CAMTA1: variants seen among roughly 807,000 people sequenced by gnomAD.
CAMTA1 encodes the protein calmodulin-binding transcription activator 1.
CAMTA1 carries 27 observed loss-of-function variants against 170.9 expected under a neutral mutation model. The observed-to-expected ratio is 0.16, with a 90% CI of 0.12 to 0.22. The LOEUF (loss-of-function observed/expected upper bound fraction) is 0.22. Among genes scored for constraint, CAMTA1 ranks in the 10% least tolerant of loss-of-function variants. CAMTA1 has a pLI of 1.00. For missense variants in CAMTA1, 1,619 were observed against 2,217.2 expected, an observed-to-expected ratio of 0.73 and a Z score of 5.42; for synonymous variants, 833 against 891.5, an observed-to-expected ratio of 0.93 and a Z score of 1.17.
chr1:7,696,377 G>A (rs1233818037), intron 11 of CAMTA1, among the ~76,000 whole-genome samples: 1 of 151,984 alleles, frequency 6.6e-6, no homozygotes, highest in East Asian at 1.9e-4. Context: ...TGTATTTTTA[G>A]TAGAGACAGG....
intron 5 of CAMTA1, among the ~76,000 whole-genome samples, chr1:7,263,367 C>T (rs929595939): frequency 6.6e-6 from 1 of 152,080 alleles, no homozygotes; most frequent in East Asian, 1.9e-4. Flanking sequence ...AAACAGAGCT[C>T]GGGGGTAGGG....
At chr1:6,796,642 G>A (rs931902944) in intron 1 of CAMTA1, among the ~76,000 whole-genome samples, 16 of 151,914 alleles carry the variant, frequency 1.1e-4, no homozygotes, top group African/African-American at 3.9e-4. Context: ...TATTATTATT[G>A]TGGTGGAACT....
At chr1:7,270,291 A>ATATATATTTTTT (rs1336977888) in intron 5 of CAMTA1, among the ~76,000 whole-genome samples, 1 of 110,570 alleles carries the variant, frequency 9.0e-6, no homozygotes, top group African/African-American at 3.4e-5. Flanking sequence ...ATATATATAT[A>ATATATATTTTTT]TTTTTTTTTT....
intron 3 of CAMTA1, among the ~76,000 whole-genome samples, chr1:7,066,466 C>A (rs1183557520): frequency 6.6e-6 from 1 of 152,222 alleles, no homozygotes; most frequent in African/African-American, 2.4e-5. Flanking sequence ...CTAAGAAAAT[C>A]TATAGATCAG....
intron 5 of CAMTA1, among the ~76,000 whole-genome samples, chr1:7,400,383 C>G (rs2089797756): frequency 6.6e-6 from 1 of 151,986 alleles, no homozygotes; most frequent in Non-Finnish European, 1.5e-5. Context: ...GATTTGTTTT[C>G]CTGATTTCAT....
intron 6 of CAMTA1, among the ~76,000 whole-genome samples, chr1:7,559,146 G>A (rs967941058): frequency 1.9e-4 from 29 of 152,160 alleles, no homozygotes; most frequent in Admixed American, 1.4e-3. Flanking sequence ...TGTCTGGCAC[G>A]GAGGCCGGCT....
chr1:7,257,079 G>T (rs915549355), intron 5 of CAMTA1, among the ~76,000 whole-genome samples: 2 of 150,214 alleles, frequency 1.3e-5, no homozygotes, highest in Admixed American at 1.3e-4. Context: ...CGCATGGCGG[G>T]GGCGGGGGTT....
intron 6 of CAMTA1, among the ~76,000 whole-genome samples, chr1:7,621,031 T>C (rs572785610): frequency 3.9e-5 from 6 of 152,010 alleles, no homozygotes; most frequent in Admixed American, 6.5e-5. Flanking sequence ...GGAAAGGCCG[T>C]AGGGTCAGGG....
Position 7,747,841 on chromosome 1 carries a change from C to T in CAMTA1, c.4689+60C>T, listed in dbSNP as rs867765711. On this transcript the variant is annotated intron_variant, in intron 19 of 22. Transcript: ENST00000303635. ...TGCCCCACCCAAGGCCACTGAAGAT[C>T]CTGGTTTGGCTAAAGAGCACTACAT... The T allele has an allele frequency of 2.4e-4, 277 of 1,143,262 alleles. 1 individual carries two copies. The South Asian group carries it at 3.5e-3, about 14-fold the overall frequency. The allele number at this position is 1,143,262 out of a possible 1,614,324, so 70.8% of individuals were successfully genotyped here. A position where few individuals can be genotyped will look rare whatever the true frequency, so the allele number is the denominator to read the frequency against.
intron 3 of CAMTA1, among the ~76,000 whole-genome samples, chr1:6,879,896 G>A (rs1671030013): frequency 6.6e-6 from 1 of 151,470 alleles, no homozygotes; most frequent in Non-Finnish European, 1.5e-5. Context: ...CAAAGTGATG[G>A]GATTACAGGT....
At chr1:7,640,292 G>T (rs4072987) in intron 6 of CAMTA1, 108 bp from the exon 7 acceptor site, 2 of 1,211,582 alleles carry the variant, frequency 1.7e-6, no homozygotes, top group African/African-American at 1.5e-5. Flanking sequence ...CAAGAGAGCC[G>T]GGTGTCTGGG....
intron 3 of CAMTA1, among the ~76,000 whole-genome samples, chr1:6,921,811 T>G (rs1224161120): frequency 6.6e-6 from 1 of 152,194 alleles, no homozygotes; most frequent in South Asian, 2.1e-4. Flanking sequence ...AAGAACAGCA[T>G]GAGAAAGACC....
chr1:7,151,221 T>A (rs1486526408), intron 4 of CAMTA1, among the ~76,000 whole-genome samples: 1 of 152,256 alleles, frequency 6.6e-6, no homozygotes, highest in Non-Finnish European at 1.5e-5. Context: ...TCTTCTACAC[T>A]GTGCTTTGAT....
At chr1:6,869,727 A>G (rs1305219380) in intron 3 of CAMTA1, among the ~76,000 whole-genome samples, 1 of 152,158 alleles carries the variant, frequency 6.6e-6, no homozygotes, top group South Asian at 2.1e-4. Context: ...ATTTGGAGCC[A>G]TTTTGTCAGA....
At chr1:7,303,730 G>A (rs1282047804) in intron 5 of CAMTA1, among the ~76,000 whole-genome samples, 1 of 152,146 alleles carries the variant, frequency 6.6e-6, no homozygotes, top group Non-Finnish European at 1.5e-5. Context: ...AGAGACACAG[G>A]GAAAAACAAA....
chr1:7,058,603 G>T (rs1707729565), intron 3 of CAMTA1, among the ~76,000 whole-genome samples: 2 of 152,130 alleles, frequency 1.3e-5, no homozygotes, highest in East Asian at 1.9e-4. Flanking sequence ...GGAGGAGGGG[G>T]TGCCTCTGTG....
intron 5 of CAMTA1, among the ~76,000 whole-genome samples, chr1:7,272,711 A>AAAAAAAAAAAAAAAAAAC (rs1670014421): frequency 6.8e-6 from 1 of 147,788 alleles, no homozygotes; most frequent in Non-Finnish European, 1.5e-5. Flanking sequence ...AAAAAAAAAA[A>AAAAAAAAAAAAAAAAAAC]AAAAAGAAAA....
Position 7,609,417 on chromosome 1 carries a change from C to T in CAMTA1, c.511-30983C>T, listed in dbSNP as rs2095508676. ...CATGAATGATTCATGAGGCTCTGCT[C>T]AACTTTGGGTGTTAACAGCAAATCA... On this transcript the variant is annotated intron_variant, in intron 6 of 22. Coordinates refer to ENST00000303635, the MANE Select transcript of CAMTA1 (RefSeq NM_015215.4). This position sits in a 1 kb window ranked among gnomAD's most constrained non-coding sequence, Gnocchi z 4.4. 6.6e-6 allele frequency among the ~76,000 whole-genome samples: 1 copy of T among 152,178 alleles called. No individual in the cohort carries two copies. The highest frequency in any genetic ancestry group is 2.4e-5 in the African/African-American group (1 of 41,436).
At chr1:7,417,858 T>C (rs1455219365) in intron 5 of CAMTA1, among the ~76,000 whole-genome samples, 1 of 152,168 alleles carries the variant, frequency 6.6e-6, no homozygotes, top group African/African-American at 2.4e-5. Flanking sequence ...TCACCCGTCT[T>C]CTGTGTCGCT....
Sources: allele counts gnomAD v4.1 joint callset (sites outside exome capture counted in the v4.1 genomes callset), GRCh38; gene constraint gnomAD v4.1.1; non-coding constraint Gnocchi (gnomAD v3.1); transcripts MANE v1.5; gene names NCBI Gene and HGNC (gene_info 2026-07-23, HGNC 2026-07-21).